The following TBCK variants were observed in gnomAD, a reference collection of about 807,000 sequenced individuals.
TBCK encodes the protein TBC1 domain containing kinase.
In TBCK, 99 loss-of-function variants were observed where a neutral mutation model predicts 113.4. The observed-to-expected ratio is 0.87, with a 90% CI of 0.74 to 1.03. TBCK has a LOEUF of 1.03. Among genes scored for constraint, TBCK ranks in the 50% least tolerant of loss-of-function variants. The probability of loss-of-function intolerance (pLI) is 0.00; values close to 1 mark genes in which losing one functional copy is unlikely to be tolerated. For missense variants in TBCK, 1,045 were observed against 1,061.3 expected (o/e 0.98, Z 0.21); for synonymous variants, 369 against 370.8 (o/e 1.00, Z 0.05).
chr4:106,256,951 A>T (rs1762059183), intron 5 of TBCK, among the ~76,000 whole-genome samples: 1 of 152,164 alleles, frequency 6.6e-6, no homozygotes. Context: ...AAAAAGAACT[A>T]CATACCTGAG....
At chr4:106,193,090 A>G (rs1483785352) in intron 22 of TBCK, among the ~76,000 whole-genome samples, 1 of 152,152 alleles carries the variant, frequency 6.6e-6, no homozygotes, top group Non-Finnish European at 1.5e-5. Flanking sequence ...ACTTGTGAAT[A>G]CTCTATATAG....
Position 106,126,231 on chromosome 4 carries a change from C to T in TBCK, c.2236-9853G>A, listed in dbSNP as rs1234328250. Among the ~76,000 whole-genome samples the T allele has an allele frequency of 2.0e-5, 3 of 152,142 alleles. No individual in the cohort carries two copies. The East Asian group carries it at 5.8e-4, about 29-fold the overall frequency. On this transcript the variant is annotated intron_variant, in intron 23 of 25. Coordinates refer to ENST00000394708, the MANE Select transcript of TBCK (RefSeq NM_001163435.3). The stretch of plus-strand genomic sequence containing the variant: ...ACTCCTGACTGACAAAGTTTCTCTT[C>T]TATGTCTTCACAGGTATCTGGTATA...
chr4:106,186,416 C>T (rs1753033184), intron 22 of TBCK, among the ~76,000 whole-genome samples: 6 of 152,034 alleles, frequency 3.9e-5, no homozygotes, highest in Admixed American at 1.3e-4. Context: ...GCTTTTTAAT[C>T]ATAGCCATTC....
intron 19 of TBCK, among the ~76,000 whole-genome samples, chr4:106,229,550 G>C (rs752160122): frequency 2.0e-5 from 3 of 151,922 alleles, no homozygotes; most frequent in Non-Finnish European, 1.5e-5. Context: ...TGTGTTCATT[G>C]TAAGTGTATA....
chr4:106,144,855 C>T (rs1371706401), intron 23 of TBCK, among the ~76,000 whole-genome samples: 1 of 151,714 alleles, frequency 6.6e-6, no homozygotes, highest in Non-Finnish European at 1.5e-5. Flanking sequence ...GAAACCCCGT[C>T]TCTACTAAAA....
chr4:106,217,320 A>C (rs374684701), intron 19 of TBCK, among the ~76,000 whole-genome samples: 16 of 151,986 alleles, frequency 1.1e-4, no homozygotes, highest in South Asian at 4.1e-4. Flanking sequence ...GACAGGGATG[A>C]CCTCTCTCAC....
chr4:106,047,145 C>A (rs980146136), intron 25 of TBCK, among the ~76,000 whole-genome samples: 5 of 152,056 alleles, frequency 3.3e-5, no homozygotes, highest in African/African-American at 7.2e-5. Flanking sequence ...AGCCCATAAA[C>A]CAGTTGTAAC....
intron 12 of TBCK, among the ~76,000 whole-genome samples, chr4:106,242,076 A>G (rs1320093823): frequency 1.3e-5 from 2 of 152,112 alleles, no homozygotes; most frequent in East Asian, 3.9e-4. Context: ...AGTAATACAT[A>G]GAAGAGGTAG....
At chr4:106,124,999 A>AT (rs1744990791) in intron 23 of TBCK, among the ~76,000 whole-genome samples, 1 of 74,234 alleles carries the variant, frequency 1.3e-5, no homozygotes, top group Non-Finnish European at 2.9e-5. Flanking sequence ...CTTAAAGTAT[A>AT]AAAAAAAAAA....
intron 23 of TBCK, among the ~76,000 whole-genome samples, chr4:106,151,270 G>A (rs1748451977): frequency 6.6e-6 from 1 of 151,766 alleles, no homozygotes; most frequent in Admixed American, 6.6e-5. Context: ...ATCACCCTGT[G>A]CACCAGCAAA....
At chr4:106,216,511 G>T (rs564557375) in intron 19 of TBCK, among the ~76,000 whole-genome samples, 1 of 151,550 alleles carries the variant, frequency 6.6e-6, no homozygotes. Context: ...TCAAATAGAC[G>T]CAATAAAAAA....
At chr4:106,214,196 T>C (rs1756556787) in intron 19 of TBCK, among the ~76,000 whole-genome samples, 1 of 151,482 alleles carries the variant, frequency 6.6e-6, no homozygotes, top group African/African-American at 2.4e-5. Context: ...AGAAAGGACA[T>C]CCACACCAAA....
intron 25 of TBCK, among the ~76,000 whole-genome samples, chr4:106,083,306 G>A (rs546650657): frequency 9.2e-5 from 14 of 152,296 alleles, no homozygotes; most frequent in South Asian, 8.3e-4. Context: ...CCAAAACACC[G>A]GCTGTGGCAG....
intron 20 of TBCK, among the ~76,000 whole-genome samples, chr4:106,196,978 A>G (rs1348888860): frequency 6.6e-6 from 1 of 152,152 alleles, no homozygotes; most frequent in African/African-American, 2.4e-5. Context: ...CCAAGGTGGC[A>G]TAACAGGAAC....
At chr4:106,288,443 A>T (rs1260739313) in intron 3 of TBCK, among the ~76,000 whole-genome samples, 3 of 152,210 alleles carry the variant, frequency 2.0e-5, no homozygotes, top group Non-Finnish European at 4.4e-5. Context: ...AAATGCATAT[A>T]TTATACATTT....
At chr4:106,309,033 G>T in intron 1 of TBCK, 44 bp from the exon 2 acceptor site, 1 of 1,315,826 alleles carries the variant, frequency 7.6e-7, no homozygotes, top group Non-Finnish European at 1.0e-6. Context: ...CATTAAGCCA[G>T]ACAGACCAAA....
chr4:106,100,140 A>G (rs1027953059), intron 24 of TBCK, among the ~76,000 whole-genome samples: 2 of 152,180 alleles, frequency 1.3e-5, no homozygotes, highest in Non-Finnish European at 2.9e-5. Context: ...ATATCTTATA[A>G]CAGCAATTTG....
intron 23 of TBCK, among the ~76,000 whole-genome samples, chr4:106,128,959 TTTGGAAAA>T (rs1745546342): frequency 6.6e-6 from 1 of 152,144 alleles, no homozygotes; most frequent in African/African-American, 2.4e-5. Context: ...CATATAAATA[TTTGGAAAA>T]GAAAAGGATG....
chr4:106,235,347 G>T lies in TBCK; in HGVS notation c.1371C>A (p.Asn457Lys), dbSNP rs532862191. The T allele has an allele frequency of 8.0e-5, 128 of 1,606,460 alleles. No individual in the cohort carries two copies. Among genetic ancestry groups the T allele is most frequent in the South Asian group, 2.4e-4 (22 of 90,338 alleles). ...CAACTCTTGCTTCTTTCCAGATTTG[G>T]TTTTTTTTATATGGATAAGCCTATG... is the stretch of plus-strand genomic sequence containing the variant. ...RLLKAYPYKK[N>K]QIWKEARVDI... The change falls in exon 15 of 26, where the codon AAC becomes AAA. Residue 457 changes from asparagine (N) to lysine (K), a missense_variant. By Grantham distance (94) the Asn-to-Lys change is moderately conservative. Transcript: ENST00000394708.
Sources: gnomAD v4.1 joint callset for allele counts (sites outside exome capture counted in the v4.1 genomes callset) on GRCh38, gnomAD v4.1.1 for gene constraint, MANE v1.5 for transcripts, NCBI Gene and HGNC (gene_info 2026-07-23, HGNC 2026-07-21) for gene names.